Variants in STK4 observed in about 807,000 individuals in gnomAD.
STK4 encodes the protein serine/threonine kinase 4.
A neutral mutation model predicts 64.9 loss-of-function variants in STK4; 30 were observed. The observed-to-expected ratio is 0.46, with a 90% CI of 0.35 to 0.63. STK4 has a LOEUF of 0.63. Ranked by LOEUF, STK4 falls within the 20% of genes least tolerant of loss-of-function variation. The pLI is 0.01. For missense variants in STK4, 466 were observed against 598.5 expected, an observed-to-expected ratio of 0.78 and a Z score of 2.31; for synonymous variants, 177 against 199.0, an observed-to-expected ratio of 0.89 and a Z score of 0.93.
intron 9 of STK4, chr20:45,004,494 T>G (rs756245890): frequency 1.3e-5 from 2 of 151,582 alleles, no homozygotes; most frequent in Non-Finnish European, 2.9e-5. Context: ...AAGAAATGCC[T>G]GTTCATGTCC....
At chr20:45,037,630 A>T (rs116097268) in intron 10 of STK4, among the ~76,000 whole-genome samples, 63 of 152,258 alleles carry the variant, frequency 4.1e-4, no homozygotes, top group African/African-American at 1.4e-3. Context: ...GTAAGGAAGG[A>T]TAAATTTTAG....
chr20:45,005,810 G>A (rs2067932453), intron 9 of STK4, among the ~76,000 whole-genome samples: 1 of 151,998 alleles, frequency 6.6e-6, no homozygotes, highest in Non-Finnish European at 1.5e-5. Context: ...TCAGTAGGAT[G>A]TAATGGGTAG....
intron 9 of STK4, among the ~76,000 whole-genome samples, chr20:45,008,094 G>T (rs941330183): frequency 2.6e-5 from 4 of 152,048 alleles, no homozygotes; most frequent in Non-Finnish European, 4.4e-5. Context: ...TTGCTCTGTC[G>T]CCCAGGCTGG....
At chr20:45,001,676 T>A (rs150772628) in intron 9 of STK4, among the ~76,000 whole-genome samples, 2 of 152,370 alleles carry the variant, frequency 1.3e-5, no homozygotes, top group Non-Finnish European at 2.9e-5. Context: ...GTTTGATGCA[T>A]AATTCCTGTG....
chr20:44,993,668 T>C (rs2067676113), intron 5 of STK4, among the ~76,000 whole-genome samples: 1 of 152,196 alleles, frequency 6.6e-6, no homozygotes, highest in South Asian at 2.1e-4. Flanking sequence ...TCCTTTTTCG[T>C]ATTTAGTTCT....
Position 45,001,149 on chromosome 20 carries a change from G to T in STK4, c.961-18G>T, listed in dbSNP as rs753289508. The stretch of plus-strand genomic sequence containing the variant: ...TTTTGTCAAATTAGCCCCAATTTGA[G>T]ATTGTATCCTTTTACAGGAAGAGGA... On this transcript the variant is annotated intron_variant, in intron 8 of 10. Transcript: ENST00000372806. 1.3e-6 allele frequency: 2 copies of T among 1,595,300 alleles called. No homozygotes were observed. Among genetic ancestry groups the T allele is most frequent in the African/African-American group, 2.7e-5 (2 of 74,584 alleles).
intron 10 of STK4, among the ~76,000 whole-genome samples, chr20:45,065,360 G>C (rs1415327308): frequency 6.6e-6 from 1 of 152,040 alleles, no homozygotes; most frequent in African/African-American, 2.4e-5. Flanking sequence ...CTAGTATTTT[G>C]TTGAGGATTT....
intron 10 of STK4, among the ~76,000 whole-genome samples, chr20:45,039,457 T>A (rs979335941): frequency 6.6e-6 from 1 of 152,114 alleles, no homozygotes; most frequent in African/African-American, 2.4e-5. Context: ...AATTTTATCA[T>A]CAGCTACAAC....
At chr20:45,005,643 G>A (rs1438109096) in intron 9 of STK4, among the ~76,000 whole-genome samples, 3 of 107,638 alleles carry the variant, frequency 2.8e-5, no homozygotes, top group Admixed American at 1.2e-4. Flanking sequence ...GCGAGACTCT[G>A]TCTCAAAAAA....
intron 10 of STK4, among the ~76,000 whole-genome samples, chr20:45,056,059 T>G (rs1600549231): frequency 6.6e-6 from 1 of 152,220 alleles, no homozygotes; most frequent in East Asian, 1.9e-4. Flanking sequence ...AACATACATT[T>G]AAGGCTGTAA....
chr20:45,061,860 C>CTT (rs1979045832), intron 10 of STK4, among the ~76,000 whole-genome samples: 2 of 139,148 alleles, frequency 1.4e-5, no homozygotes. Context: ...CTTTTCTTTT[C>CTT]TTCTTCTTCT....
At chr20:44,984,209 T>TTTTTC (rs2067490654) in intron 4 of STK4, among the ~76,000 whole-genome samples, 1 of 145,078 alleles carries the variant, frequency 6.9e-6, no homozygotes, top group Non-Finnish European at 1.5e-5. Context: ...TTTTTTTTTT[T>TTTTTC]GAGACAGAGT....
intron 9 of STK4, among the ~76,000 whole-genome samples, chr20:45,008,511 G>A (rs978081860): frequency 2.0e-5 from 3 of 152,152 alleles, no homozygotes; most frequent in Admixed American, 6.5e-5. Flanking sequence ...TCAACTCATC[G>A]TATGAATGCA....
chr20:45,044,549 G>A (rs903914086), intron 10 of STK4, among the ~76,000 whole-genome samples: 20 of 152,144 alleles, frequency 1.3e-4, no homozygotes, highest in Non-Finnish European at 1.8e-4. Flanking sequence ...AGCTACTCAG[G>A]TGGTTGAGGT....
At chr20:44,973,066 A>G (rs549039209) in intron 2 of STK4, 14 of 152,074 alleles carry the variant, frequency 9.2e-5, no homozygotes, top group Non-Finnish European at 1.3e-4. Flanking sequence ...ATCCCTTGGG[A>G]GTATTTCTGG....
chr20:45,026,233 C>T (rs865775188), intron 10 of STK4, among the ~76,000 whole-genome samples: 6 of 145,036 alleles, frequency 4.1e-5, no homozygotes, highest in Non-Finnish European at 8.9e-5. Context: ...TCATTCTAGG[C>T]GAAGGAAAAT....
rs146690171 is a variant in STK4, at chr20:45,055,645, GTTTA to G, written c.1306-19369_1306-19366del. Among the ~76,000 whole-genome samples the G allele has an allele frequency of 8.7e-3, 1,307 of 150,376 alleles. 18 individuals carry two copies. Among genetic ancestry groups the G allele is most frequent in the African/African-American group, 0.031 (1,254 of 40,968 alleles). On this transcript the variant is annotated intron_variant, in intron 10 of 10. Coordinates refer to ENST00000372806, the MANE Select transcript of STK4 (RefSeq NM_006282.5). The stretch of plus-strand genomic sequence containing the variant: ...ATTTTCTTCTTTCTGCTTTCTATGG[GTTTA>G]TTTCTCTTTTCTTCACTTGGACAAT...
chr20:45,002,492 A>G (rs1601242089), intron 9 of STK4, among the ~76,000 whole-genome samples: 3 of 152,342 alleles, frequency 2.0e-5, no homozygotes, highest in Admixed American at 2.0e-4. Context: ...AACATTAAAT[A>G]CAATTTGTTC....
At chr20:45,015,449 T>C (rs62208319) in intron 9 of STK4, among the ~76,000 whole-genome samples, 2 of 152,258 alleles carry the variant, frequency 1.3e-5, no homozygotes, top group Non-Finnish European at 2.9e-5. Flanking sequence ...GTAGCCTTAC[T>C]GTCCAATTTC....
Sources: gnomAD v4.1 joint callset for allele counts (sites outside exome capture counted in the v4.1 genomes callset) on GRCh38, gnomAD v4.1.1 for gene constraint, MANE v1.5 for transcripts, NCBI Gene and HGNC (gene_info 2026-07-23, HGNC 2026-07-21) for gene names.